TCERG1L: variants seen among roughly 807,000 people sequenced by gnomAD.
The protein encoded by TCERG1L is transcription elongation regulator 1-like protein.
In TCERG1L, 37 loss-of-function variants were observed where a neutral mutation model predicts 56.3. That is an observed-to-expected ratio of 0.66 (90% CI 0.51 to 0.87). The LOEUF (loss-of-function observed/expected upper bound fraction) is 0.87, where lower values mean the gene tolerates loss of function less well. Ranked by LOEUF, TCERG1L falls within the 40% of genes least tolerant of loss-of-function variation. TCERG1L has a pLI of 0.00. For synonymous variants in TCERG1L, 324 were observed against 326.3 expected, an observed-to-expected ratio of 0.99 and a Z score of 0.08; for missense variants, 799 against 774.2, an observed-to-expected ratio of 1.03 and a Z score of -0.38.
At chr10:131,134,924 T>C (rs1255549971) in intron 7 of TCERG1L, among the ~76,000 whole-genome samples, 1 of 152,206 alleles carries the variant, frequency 6.6e-6, no homozygotes, top group Non-Finnish European at 1.5e-5. Flanking sequence ...GAGATTCCCC[T>C]ACCCCACATG....
At chr10:131,287,245 T>C (rs546194689) in intron 3 of TCERG1L, among the ~76,000 whole-genome samples, 2 of 152,308 alleles carry the variant, frequency 1.3e-5, no homozygotes, top group Middle Eastern at 3.4e-3. Context: ...CTAAAGTCCA[T>C]AGTTGTCATG....
chr10:131,139,778 GTC>G (rs1178082781), intron 7 of TCERG1L, among the ~76,000 whole-genome samples: 1 of 137,946 alleles, frequency 7.2e-6, no homozygotes, highest in Non-Finnish European at 1.7e-5. Flanking sequence ...GTATATGTGT[GTC>G]TGTGTGTGCT....
intron 4 of TCERG1L, among the ~76,000 whole-genome samples, chr10:131,199,027 C>A (rs928727858): frequency 1.3e-5 from 2 of 152,168 alleles, no homozygotes; most frequent in Non-Finnish European, 2.9e-5. Context: ...GGCAGCCCTG[C>A]GCAGTGAGCC....
At chr10:131,178,413 C>G (rs1018453954) in intron 4 of TCERG1L, among the ~76,000 whole-genome samples, 4 of 152,150 alleles carry the variant, frequency 2.6e-5, no homozygotes, top group African/African-American at 9.7e-5. Flanking sequence ...ATCTCATGCC[C>G]TGAGTGGTCT....
intron 4 of TCERG1L, among the ~76,000 whole-genome samples, chr10:131,257,601 C>G (rs1007741694): frequency 1.3e-5 from 2 of 152,084 alleles, no homozygotes; most frequent in African/African-American, 4.8e-5. Context: ...TAATACAAAC[C>G]CAGGTTTCTC....
At chr10:131,149,899 G>A (rs1042442062) in intron 6 of TCERG1L, among the ~76,000 whole-genome samples, 1 of 152,160 alleles carries the variant, frequency 6.6e-6, no homozygotes. Flanking sequence ...GCCCAGATCC[G>A]GCCCCTCAAG....
intron 9 of TCERG1L, among the ~76,000 whole-genome samples, chr10:131,107,162 G>C (rs11017721): frequency 7.2e-5 from 11 of 152,016 alleles, no homozygotes; most frequent in African/African-American, 1.2e-4. Flanking sequence ...ATCTGGGGCC[G>C]TTAGAGAAGC....
chr10:131,230,962 A>G (rs1223380494), intron 4 of TCERG1L, among the ~76,000 whole-genome samples: 1 of 151,078 alleles, frequency 6.6e-6, no homozygotes. Flanking sequence ...GTTTAGGGAC[A>G]CATGCCCTGA....
chr10:131,097,457 C>T (rs1845261291), intron 11 of TCERG1L, among the ~76,000 whole-genome samples: 1 of 152,158 alleles, frequency 6.6e-6, no homozygotes, highest in Admixed American at 6.5e-5. Flanking sequence ...ACGCCATTCT[C>T]CTGCCTCAGT....
At chr10:131,243,305 G>A (rs1024360200) in intron 4 of TCERG1L, among the ~76,000 whole-genome samples, 1 of 152,122 alleles carries the variant, frequency 6.6e-6, no homozygotes, top group Non-Finnish European at 1.5e-5. Flanking sequence ...GGCATGGCCA[G>A]GCGTGAGGGC....
chr10:131,134,824 CT>C (rs1845657365), intron 7 of TCERG1L, among the ~76,000 whole-genome samples: 1 of 152,132 alleles, frequency 6.6e-6, no homozygotes. Context: ...GGGGCCACCT[CT>C]GCGGCCACTG....
chr10:131,311,179 G>A lies in TCERG1L; in HGVS notation c.342+115C>T, dbSNP rs1423912430. On this transcript the variant is annotated intron_variant, in intron 1 of 11. Transcript: ENST00000368642. The surrounding 1 kb of genome is among the most constrained non-coding windows in gnomAD (Gnocchi z 4.0). ...CTCCGTCCTGAGGGTTTGGGGCGGCGAGGACCGCCGGGGAGGAGGGCGCGC... is the reference window on the plus strand; with the variant it reads ...CTCCGTCCTGAGGGTTTGGGGCGGCAAGGACCGCCGGGGAGGAGGGCGCGC... 4.2e-5 allele frequency: 36 copies of A among 857,568 alleles called. No individual in the cohort carries two copies. The highest frequency in any genetic ancestry group is 5.1e-5 in the Non-Finnish European group (34 of 666,892). The allele number at this position is 857,568 out of a possible 1,614,324, so 53.1% of individuals were successfully genotyped here.
intron 3 of TCERG1L, among the ~76,000 whole-genome samples, chr10:131,289,843 T>A (rs1589774050): frequency 1.7e-5 from 1 of 57,338 alleles, no homozygotes; most frequent in Non-Finnish European, 4.0e-5. Context: ...TCGGTGTGTG[T>A]GTGTGTATGT....
chr10:131,100,695 A>G (rs1845296533), intron 10 of TCERG1L, among the ~76,000 whole-genome samples: 1 of 152,202 alleles, frequency 6.6e-6, no homozygotes, highest in Non-Finnish European at 1.5e-5. Flanking sequence ...CCCCCGGCAG[A>G]GGAAGGGCTG....
At chr10:131,307,190 T>C (rs1846825792) in intron 3 of TCERG1L, among the ~76,000 whole-genome samples, 2 of 152,234 alleles carry the variant, frequency 1.3e-5, no homozygotes, top group South Asian at 4.1e-4. Context: ...GCATGTACCA[T>C]GCTCACTCAG....
chr10:131,282,247 A>T (rs1010683355), intron 3 of TCERG1L, among the ~76,000 whole-genome samples: 3 of 148,836 alleles, frequency 2.0e-5, no homozygotes, highest in African/African-American at 7.4e-5. Flanking sequence ...AGGTATTTAG[A>T]CCCCACGCTT....
intron 4 of TCERG1L, among the ~76,000 whole-genome samples, chr10:131,194,581 G>T (rs1274674729): frequency 6.6e-6 from 1 of 152,040 alleles, no homozygotes; most frequent in African/African-American, 2.4e-5. Context: ...GAGCTTCCAG[G>T]TTTTCTGTTA....
chr10:131,254,239 A>G (rs111763360), intron 4 of TCERG1L, among the ~76,000 whole-genome samples: 4 of 151,410 alleles, frequency 2.6e-5, no homozygotes, highest in African/African-American at 9.7e-5. Context: ...ACAGACAGTG[A>G]CCCCAGACTC....
intron 4 of TCERG1L, among the ~76,000 whole-genome samples, chr10:131,245,890 G>A (rs1564824577): frequency 6.6e-6 from 1 of 152,186 alleles, no homozygotes; most frequent in Non-Finnish European, 1.5e-5. Context: ...GAGGCCTCGG[G>A]TGGATGGGAG....
Sources: allele counts gnomAD v4.1 joint callset (sites outside exome capture counted in the v4.1 genomes callset), GRCh38; gene constraint gnomAD v4.1.1; non-coding constraint Gnocchi (gnomAD v3.1); transcripts MANE v1.5; gene names NCBI Gene and HGNC (gene_info 2026-07-23, HGNC 2026-07-21).